TLN1: variants seen among roughly 807,000 people sequenced by gnomAD.
The protein encoded by TLN1 is talin-1.
A neutral mutation model predicts 292.3 loss-of-function variants in TLN1; 56 were observed. The ratio of observed to expected loss-of-function variants is 0.19; its 90% confidence interval spans 0.15 to 0.24. The LOEUF (loss-of-function observed/expected upper bound fraction) is 0.24. Ranked by LOEUF, TLN1 falls within the 10% of genes least tolerant of loss-of-function variation. TLN1 has a pLI of 1.00. For missense variants in TLN1, 2,433 were observed against 3,248.2 expected, an observed-to-expected ratio of 0.75 and a Z score of 6.10; for synonymous variants, 1,119 against 1,253.7, an observed-to-expected ratio of 0.89 and a Z score of 2.27.
intron 7 of TLN1, chr9:35,723,165 G>A (rs1383999427): frequency 1.5e-5 from 5 of 343,680 alleles, no homozygotes; most frequent in South Asian, 5.8e-5. Flanking sequence ...GCAATGGCAC[G>A]ATCTCAGCTC....
rs1825578184 is a variant in TLN1 at position 35,707,117 on chromosome 9, G to A, written c.4910C>T (p.Ser1637Phe). Residue 1637 changes from serine (S) to phenylalanine (F), a missense_variant, in exon 37 of 57, where the codon TCC becomes TTC. By Grantham distance (155) the Ser-to-Phe change is radical. This residue lies in a region of TLN1 where 1,384 missense variants were observed against 1,699.6 expected (regional missense o/e 0.81). Transcript: ENST00000314888. The surrounding 1 kb of genome is among the most constrained non-coding windows in gnomAD (Gnocchi z 5.6). ...CTTGATGGAGTCTGAGACAGTACGG[G>A]AGTGGCCGGCCAGCACCGACCAGCT... ...PPSWSVLAGH[S>F]RTVSDSIKKL... The A allele has an allele frequency of 6.2e-7, 1 of 1,612,656 alleles. No individual in the cohort carries two copies. Among genetic ancestry groups the A allele is most frequent in the Admixed American group, 1.7e-5 (1 of 59,610 alleles).
intron 7 of TLN1, chr9:35,723,725 G>A (rs535182271): frequency 1.2e-4 from 65 of 558,354 alleles, no homozygotes; most frequent in African/African-American, 1.1e-3. Flanking sequence ...TGACATGCTT[G>A]CTTCAGAGAT....
chr9:35,730,630 T>A (rs995460498), intron 1 of TLN1, among the ~76,000 whole-genome samples: 8 of 151,834 alleles, frequency 5.3e-5, no homozygotes, highest in African/African-American at 1.9e-4. Context: ...TCAGGTAGGA[T>A]GTGCGGATTA....
At chr9:35,721,473 A>C (rs969890549) in intron 10 of TLN1, among the ~76,000 whole-genome samples, 175 bp downstream of exon 10, 1 of 152,284 alleles carries the variant, frequency 6.6e-6, no homozygotes, top group Admixed American at 6.5e-5. Flanking sequence ...TAAGTCCATC[A>C]TCCGTTTCAT....
rs115885336 is a variant in TLN1 at position 35,722,238 on chromosome 9, G to C, written c.844-15C>G. ...TTCTTGTGTGCCTGTGCATAAAATGGGGAAGAATTTAGCAAAGAGTTTCAT... is the reference window on the plus strand; with the variant it reads ...TTCTTGTGTGCCTGTGCATAAAATGCGGAAGAATTTAGCAAAGAGTTTCAT... On this transcript the variant is annotated splice_polypyrimidine_tract_variant and intron_variant, in intron 8 of 56. Coordinates refer to ENST00000314888, the MANE Select transcript of TLN1 (RefSeq NM_006289.4). 2.4e-3 allele frequency: 3,904 copies of C among 1,610,480 alleles called. 82 individuals carry two copies. The African/African-American group carries it at 0.046, about 19-fold the overall frequency.
chr9:35,704,461 C>T lies in TLN1; in HGVS notation c.5918G>A (p.Arg1973His), dbSNP rs1825526939. Residue 1973 changes from arginine (R) to histidine (H), a missense_variant, in exon 45 of 57, where the codon CGT becomes CAT. Physicochemically the swap from Arg to His is conservative, Grantham distance 29 (BLOSUM62 0). This residue lies in a region of TLN1 where 1,384 missense variants were observed against 1,699.6 expected (regional missense o/e 0.81). Coordinates refer to ENST00000314888, the MANE Select transcript of TLN1 (RefSeq NM_006289.4). The surrounding 1 kb of genome is among the most constrained non-coding windows in gnomAD (Gnocchi z 6.9). ...TGCTGTGATGCAGGCCTGGGTGCCA[C>T]GATTCCCAGCCTGGAGCGCAGCCAG... ...HVLAALQAGN[R>H]GTQACITAAS... The T allele has an allele frequency of 1.2e-6, 2 of 1,613,344 alleles. No individual in the cohort carries two copies. The highest frequency in any genetic ancestry group is 1.7e-6 in the Non-Finnish European group (2 of 1,179,576).
intron 43 of TLN1, among the ~76,000 whole-genome samples, chr9:35,705,332 C>T (rs559195477): frequency 1.3e-5 from 2 of 152,314 alleles, no homozygotes; most frequent in South Asian, 4.1e-4. Context: ...AAAGGCAGGC[C>T]CGGGAAGGCT....
At chr9:35,725,026 G>T (rs1488195805) in intron 3 of TLN1, 67 bp from the exon 4 acceptor site, 4 of 1,606,182 alleles carry the variant, frequency 2.5e-6, no homozygotes, top group Non-Finnish European at 3.4e-6. Context: ...TCTTTACACA[G>T]CCCGAGGGGA....
In TLN1 at chr9:35,708,461, A is replaced by T. The variant is rs758600050; in HGVS notation, c.4350T>A (p.Ser1450=). ...GCTGTCCAGCTTGGCTATTGGGGTC[A>T]GAGACACCAACCAGATATGCAGCCT... ...AAQAAYLVGV[S]DPNSQAGQQG... The change falls in exon 34 of 57, where the codon TCT becomes TCA. Residue 1450 remains serine, a synonymous_variant. Transcript: ENST00000314888. 19 of 1,595,148 alleles carry T rather than the reference A, an allele frequency of 1.2e-5. No individual in the cohort carries two copies. The highest frequency in any genetic ancestry group is 1.4e-5 in the Non-Finnish European group (16 of 1,168,666).
rs779196316 is a variant in TLN1, at chr9:35,703,588, G to A, written c.6446C>T (p.Thr2149Ile). Residue 2149 changes from threonine (T) to isoleucine (I), a missense_variant, in exon 48 of 57, where the codon ACC becomes ATC. By Grantham distance (89) the Thr-to-Ile change is moderately conservative. Coordinates refer to ENST00000314888, the MANE Select transcript of TLN1 (RefSeq NM_006289.4). The part of the protein sequence containing the change: ...ATKGTRALEA[T>I]TEHIRQELAV... The stretch of plus-strand genomic sequence containing the variant: ...CAGCTCCTGCCGTATGTGTTCTGTG[G>A]TTGCCTCCAGGGCCCGAGTGCCTTT... The A allele has an allele frequency of 3.1e-6, 5 of 1,614,196 alleles. No homozygotes were observed. The highest frequency in any genetic ancestry group is 3.4e-6 in the Non-Finnish European group (4 of 1,180,032).
At chr9:35,701,100 T>C (rs1296335072) in intron 48 of TLN1, among the ~76,000 whole-genome samples, 2 of 152,062 alleles carry the variant, frequency 1.3e-5, no homozygotes, top group Non-Finnish European at 2.9e-5. Flanking sequence ...CCTGATGAAC[T>C]GGAAGGAGCA....
chr9:35,716,997 T>A (rs1195763204), intron 19 of TLN1, 149 bp downstream of exon 19: 56 of 833,978 alleles, frequency 6.7e-5, no homozygotes, highest in Non-Finnish European at 1.0e-4. Flanking sequence ...CAGAGAGCTT[T>A]AATGATGAGC....
rs1273049820 is a variant in TLN1 at position 35,720,528 on chromosome 9, A to C, written c.1207-19T>G. On this transcript the variant is annotated intron_variant, in intron 11 of 56. Coordinates refer to ENST00000314888, the MANE Select transcript of TLN1 (RefSeq NM_006289.4). Reference sequence around the variant, plus strand: ...TTTTTTTCTGTAGGAAGGAAAAAGGAACAAGAGTTGGGATAGTTAAAGAAG... The same window carrying C: ...TTTTTTTCTGTAGGAAGGAAAAAGGCACAAGAGTTGGGATAGTTAAAGAAG... 1.2e-6 allele frequency: 2 copies of C among 1,612,832 alleles called. No homozygotes were observed. The highest frequency in any genetic ancestry group is 1.7e-5 in the Admixed American group (1 of 59,996).
chr9:35,720,530 C>T, intron 11 of TLN1, 21 bp from the exon 12 acceptor site: 2 of 1,611,898 alleles, frequency 1.2e-6, no homozygotes, highest in Non-Finnish European at 1.7e-6. Flanking sequence ...GAAAAAGGAA[C>T]AAGAGTTGGG....
In TLN1 at chr9:35,724,440, C is replaced by T. The variant is rs772084048; in HGVS notation, c.512-106G>A. On this transcript the variant is annotated intron_variant, in intron 5 of 56. Transcript: ENST00000314888. This position sits in a 1 kb window ranked among gnomAD's most constrained non-coding sequence, Gnocchi z 4.7. ...ACCTCCCCTCACTTAAATGTAAGTCCCATGAGTGTAGGACTTTGTTTTCTC... is the reference window on the plus strand; with the variant it reads ...ACCTCCCCTCACTTAAATGTAAGTCTCATGAGTGTAGGACTTTGTTTTCTC... 13 of 1,571,246 alleles carry T rather than the reference C, an allele frequency of 8.3e-6. No homozygotes were observed. The East Asian group carries it at 2.0e-4, about 24-fold the overall frequency.
At position 35,719,840 on chromosome 9, in the gene TLN1, T is replaced by C. The variant is rs1175648832; in HGVS notation, c.1478A>G (p.Gln493Arg). ...GHMPPLTSAQ[Q>R]ALTGTINSSM... ...GGAGTTAATGGTTCCAGTGAGTGCC[T>C]GCTGGGCTGAAGTCTAAAGACAAGT... The change falls in exon 14 of 57, where the codon CAG (glutamine) becomes CGG (arginine). Residue 493 changes from glutamine (Q) to arginine (R), a missense_variant. This residue lies in a region of TLN1 where 617 missense variants were observed against 770.6 expected (regional missense o/e 0.80). Coordinates refer to ENST00000314888, the MANE Select transcript of TLN1 (RefSeq NM_006289.4). The surrounding 1 kb of genome is among the most constrained non-coding windows in gnomAD (Gnocchi z 4.6). The C allele has an allele frequency of 2.5e-6, 4 of 1,587,218 alleles. No homozygotes were observed. Among genetic ancestry groups the C allele is most frequent in the Non-Finnish European group, 2.6e-6 (3 of 1,166,260 alleles).
In TLN1 at chr9:35,712,648, C is replaced by CAA. The variant is rs1282155556; in HGVS notation, c.3561+185_3561+186dup. Among the ~76,000 whole-genome samples the CAA allele has an allele frequency of 6.5e-3, 465 of 72,080 alleles. 2 individuals are homozygous for CAA. The highest frequency in any genetic ancestry group is 9.6e-3 in the Non-Finnish European group (371 of 38,824). 47.3% of individuals were successfully genotyped at this position (72,080 alleles called of 152,430 possible). On this transcript the variant is annotated intron_variant, in intron 27 of 56. Transcript: ENST00000314888. ...GGGCAGTAAGAGCAAAACTCTGTCT[C>CAA]AAAAAAAAAAAAAAAAAAAAGACTA...
In TLN1 at chr9:35,699,027, C is replaced by T; in HGVS notation, c.6999+5G>A. ...AGGGTGGAAGAGGAAGGGAGCAGGA[C>T]TGACCTTGGGTTTGGCCCGGGGCTT... On this transcript the variant is annotated splice_donor_5th_base_variant and intron_variant, in intron 52 of 56. Transcript: ENST00000314888. The surrounding 1 kb of genome is among the most constrained non-coding windows in gnomAD (Gnocchi z 4.0). 6.2e-7 allele frequency: 1 copy of T among 1,612,316 alleles called. No individual in the cohort carries two copies. The highest frequency in any genetic ancestry group is 8.5e-7 in the Non-Finnish European group (1 of 1,178,560).
At chr9:35,731,182 T>C (rs781742210) in intron 1 of TLN1, among the ~76,000 whole-genome samples, 1 of 152,064 alleles carries the variant, frequency 6.6e-6, no homozygotes, top group Non-Finnish European at 1.5e-5. Context: ...AGGATTTCCC[T>C]ACAAAAGAAG....
Sources: allele counts gnomAD v4.1 joint callset (sites outside exome capture counted in the v4.1 genomes callset), GRCh38; gene constraint gnomAD v4.1.1; regional missense constraint gnomAD v4.1.1; non-coding constraint Gnocchi (gnomAD v3.1); transcripts MANE v1.5; gene names NCBI Gene and HGNC (gene_info 2026-07-23, HGNC 2026-07-21).